LRRC39: variants seen among roughly 807,000 people sequenced by gnomAD.
LRRC39 encodes leucine rich repeat containing 39, also known as leucine-rich repeat-containing protein 39.
Under a neutral mutation model 39.7 loss-of-function variants are expected in LRRC39, and 35 were observed. The observed-to-expected ratio is 0.88, with a 90% CI of 0.67 to 1.17. The LOEUF (loss-of-function observed/expected upper bound fraction) is 1.17. LRRC39 is among the 50% of genes most tolerant of loss of function. The pLI is 0.00. For missense variants in LRRC39, 357 were observed against 385.8 expected, an observed-to-expected ratio of 0.93 and a Z score of 0.62; for synonymous variants, 113 against 134.1, an observed-to-expected ratio of 0.84 and a Z score of 1.09.
At position 100,159,241 on chromosome 1, in the gene LRRC39, A is replaced by G; in HGVS notation, c.376+18T>C. On this transcript the variant is annotated intron_variant, in intron 5 of 9. Coordinates refer to ENST00000370137, the MANE Select transcript of LRRC39 (RefSeq NM_144620.4). ...CAGGTGGATAAAATAGCACAGGAAT[A>G]AAAGTAATCTTTCTTACCAATCCCT... 1 of 1,575,286 alleles carries G rather than the reference A, an allele frequency of 6.3e-7. No homozygotes were observed. Among genetic ancestry groups the G allele is most frequent in the Non-Finnish European group, 8.6e-7 (1 of 1,163,494 alleles).
chr1:100,158,134 A>G, intron 6 of LRRC39, 97 bp downstream of exon 6: 6 of 1,324,522 alleles, frequency 4.5e-6, no homozygotes, highest in East Asian at 2.3e-5. Context: ...AATACATAGA[A>G]TTTTCTCATT....
In LRRC39 at chr1:100,159,571, C is replaced by T. The variant is rs147536410; in HGVS notation, c.220-156G>A. Among the ~76,000 whole-genome samples, 1,242 of 148,630 alleles carry T rather than the reference C, an allele frequency of 8.4e-3. 12 individuals are homozygous for T. Among genetic ancestry groups the T allele is most frequent in the Non-Finnish European group, 0.013 (895 of 67,356 alleles). ...TTTTCCAAGTGCTTTGTGTGACTTC[C>T]GGATTTTAAGATCTTTCCTTTTTTT... On this transcript the variant is annotated intron_variant, in intron 4 of 9. Coordinates refer to ENST00000370137, the MANE Select transcript of LRRC39 (RefSeq NM_144620.4).
At chr1:100,171,669 GTT>G (rs747935103) in intron 2 of LRRC39, among the ~76,000 whole-genome samples, 5 of 132,982 alleles carry the variant, frequency 3.8e-5, no homozygotes, top group Non-Finnish European at 4.9e-5. Flanking sequence ...TGCCTGGCTT[GTT>G]TTTTTTTTTT....
intron 9 of LRRC39, 180 bp from the exon 10 acceptor site, chr1:100,149,277 A>G: frequency 6.6e-7 from 1 of 1,521,320 alleles, no homozygotes; most frequent in Non-Finnish European, 8.8e-7. Flanking sequence ...TTTTCCCTAC[A>G]GATCTGGAAA....
rs767533656 is a variant in LRRC39, at chr1:100,148,662, C to A, written c.*380G>T. On this transcript the variant is annotated 3_prime_UTR_variant, in exon 10 of 10. Transcript: ENST00000370137. ...TGAAGAAAAGAAGAAAATAGGGCAT[C>A]TTTGTAAATTGCTGATTGACCAAGG... The A allele has an allele frequency of 1.1e-5, 18 of 1,611,574 alleles. No homozygotes were observed. Among genetic ancestry groups the A allele is most frequent in the East Asian group, 1.1e-4 (5 of 44,782 alleles).
intron 8 of LRRC39, among the ~76,000 whole-genome samples, chr1:100,153,694 A>C (rs1658232029): frequency 6.6e-6 from 1 of 152,196 alleles, no homozygotes; most frequent in South Asian, 2.1e-4. Flanking sequence ...TTTAAAAAGA[A>C]AAAATGCTTG....
At chr1:100,152,667 A>G (rs1658139233) in intron 8 of LRRC39, 143 bp from the exon 9 acceptor site, 2 of 792,024 alleles carry the variant, frequency 2.5e-6, no homozygotes, top group Non-Finnish European at 3.9e-6. Flanking sequence ...GAGATGTGAT[A>G]TATCTCAAGA....
At chr1:100,168,340 T>C in intron 3 of LRRC39, 64 bp downstream of exon 3, 2 of 1,225,462 alleles carry the variant, frequency 1.6e-6, no homozygotes, top group East Asian at 5.3e-5. Context: ...TAGAATGCTC[T>C]TTTTTATGGT....
At chr1:100,175,263 C>T (rs1357796533) in intron 1 of LRRC39, among the ~76,000 whole-genome samples, 1 of 151,944 alleles carries the variant, frequency 6.6e-6, no homozygotes, top group African/African-American at 2.4e-5. Context: ...GTGGCACAAT[C>T]ATGGCTTATA....
intron 1 of LRRC39, among the ~76,000 whole-genome samples, chr1:100,174,810 A>G (rs986549446): frequency 5.1e-4 from 77 of 152,366 alleles, no homozygotes; most frequent in African/African-American, 1.7e-3. Flanking sequence ...AAGATATACT[A>G]TATCACAATA....
At chr1:100,155,922 T>A (rs1445268807) in intron 7 of LRRC39, among the ~76,000 whole-genome samples, 1 of 152,184 alleles carries the variant, frequency 6.6e-6, no homozygotes, top group Non-Finnish European at 1.5e-5. Context: ...GTGTGGTGGC[T>A]CAGGCATGTA....
chr1:100,170,191 A>G (rs1397832007), intron 2 of LRRC39, among the ~76,000 whole-genome samples: 1 of 152,260 alleles, frequency 6.6e-6, no homozygotes, highest in African/African-American at 2.4e-5. Context: ...CTGCACATGA[A>G]TGTTGATAGA....
At chr1:100,171,503 C>CTTT (rs748078318) in intron 2 of LRRC39, among the ~76,000 whole-genome samples, 9 of 130,742 alleles carry the variant, frequency 6.9e-5, no homozygotes, top group Non-Finnish European at 9.9e-5. Flanking sequence ...TTTCTTTCTT[C>CTTT]TTTTTTTTTT....
At position 100,148,569 on chromosome 1, in the gene LRRC39, T is replaced by C. The variant is rs1657593340; in HGVS notation, c.*473A>G. The C allele has an allele frequency of 4.0e-6, 6 of 1,486,650 alleles. No individual in the cohort carries two copies. Among genetic ancestry groups the C allele is most frequent in the Non-Finnish European group, 5.5e-6 (6 of 1,088,914 alleles). The allele number at this position is 1,486,650 out of a possible 1,614,324, so 92.1% of individuals were successfully genotyped here. On this transcript the variant is annotated 3_prime_UTR_variant, in exon 10 of 10. Coordinates refer to ENST00000370137, the MANE Select transcript of LRRC39 (RefSeq NM_144620.4). ...TCAATAAATAGTGACAAAAATAATT[T>C]TTTATAAACTTTTGCAAAATTTTAA... is the stretch of plus-strand genomic sequence containing the variant.
Position 100,155,044 on chromosome 1 carries a change from T to A in LRRC39, c.812+7A>T, listed in dbSNP as rs1658355096. 1 of 1,563,402 alleles carries A rather than the reference T, an allele frequency of 6.4e-7. No individual in the cohort carries two copies. The highest frequency in any genetic ancestry group is 8.6e-7 in the Non-Finnish European group (1 of 1,159,336). On this transcript the variant is annotated splice_region_variant and intron_variant, in intron 8 of 9. Coordinates refer to ENST00000370137, the MANE Select transcript of LRRC39 (RefSeq NM_144620.4). ...GGTTTTTCAGTTTTGTGCCTACAAC[T>A]TTTTACCTCAGATTTGCCATTTCTT...
intron 3 of LRRC39, 64 bp from the exon 4 acceptor site, chr1:100,160,635 T>G: frequency 7.2e-7 from 1 of 1,390,454 alleles, no homozygotes; most frequent in South Asian, 1.3e-5. Context: ...ACTTTTTTTT[T>G]TTTTTGAGAG....
intron 6 of LRRC39, 83 bp from the exon 7 acceptor site, chr1:100,156,400 C>T: frequency 2.3e-6 from 3 of 1,296,256 alleles, no homozygotes; most frequent in Non-Finnish European, 3.1e-6. Context: ...GGAGATATTT[C>T]ACATCCAGGA....
intron 2 of LRRC39, among the ~76,000 whole-genome samples, chr1:100,170,514 CTG>C (rs1659528298): frequency 1.3e-5 from 2 of 152,212 alleles, no homozygotes; most frequent in Non-Finnish European, 2.9e-5. Flanking sequence ...TGACTGCTAA[CTG>C]TACAGTTTTT....
At chr1:100,178,632 A>G (rs1557932254), upstream of LRRC39, among the ~76,000 whole-genome samples, 1 of 152,250 alleles carries the variant, frequency 6.6e-6, no homozygotes, top group Non-Finnish European at 1.5e-5. Context: ...GTGGATAAGC[A>G]TGAGTAACAC....
Sources: gnomAD v4.1 joint callset for allele counts (sites outside exome capture counted in the v4.1 genomes callset) on GRCh38, gnomAD v4.1.1 for gene constraint, MANE v1.5 for transcripts, NCBI Gene and HGNC (gene_info 2026-07-23, HGNC 2026-07-21) for gene names.